The following MAP4K5 variants were observed in gnomAD, a reference collection of about 807,000 sequenced individuals.
MAP4K5 encodes the protein MAPK/ERK kinase kinase kinase 5.
In MAP4K5, 82 loss-of-function variants were observed where a neutral mutation model predicts 135.6. That is an observed-to-expected ratio of 0.60 (90% CI 0.51 to 0.73). The LOEUF is 0.73. MAP4K5 is among the 30% of genes least tolerant of loss of function. The pLI, the probability that MAP4K5 is intolerant of heterozygous loss-of-function variation, is 0.00. For missense variants in MAP4K5, 907 were observed against 1,010.9 expected (o/e 0.90, Z 1.39); for synonymous variants, 347 against 335.0 (o/e 1.04, Z -0.39).
In MAP4K5 at chr14:50,421,079, A is replaced by G. The variant is rs558854960; in HGVS notation, c.2454-973T>C. On this transcript the variant is annotated intron_variant, in intron 32 of 32. Coordinates refer to ENST00000682126, the MANE Select transcript of MAP4K5 (RefSeq NM_006575.6). ...TTAGCATGTTATTACTTTAATAATG[A>G]AAACATTTTTTAAAAATCATAGATA... Among the ~76,000 whole-genome samples, 5 of 152,260 alleles carry G rather than the reference A, an allele frequency of 3.3e-5. No individual in the cohort carries two copies. The South Asian group carries it at 1.0e-3, about 32-fold the overall frequency.
At chr14:50,457,880 A>C (rs1401156639) in intron 13 of MAP4K5, among the ~76,000 whole-genome samples, 1 of 152,160 alleles carries the variant, frequency 6.6e-6, no homozygotes, top group African/African-American at 2.4e-5. Context: ...TTTCTTGCAA[A>C]AATTCTAAAT....
At chr14:50,560,024 T>A (rs532390689) in intron 1 of MAP4K5, 1 of 580,022 alleles carries the variant, frequency 1.7e-6, no homozygotes, top group Non-Finnish European at 3.1e-6. Flanking sequence ...TGGACTGAGG[T>A]AGGGAGGGTG....
intron 9 of MAP4K5, among the ~76,000 whole-genome samples, chr14:50,473,948 TCTCCTGACCTCTTGATCCGCCCGC>T (rs1375484850): frequency 6.6e-6 from 1 of 152,020 alleles, no homozygotes; most frequent in Non-Finnish European, 1.5e-5. Context: ...ATGGTCTCGA[TCTCCTGACCTCTTGATCCGCCCGC>T]CTCAGCCTCT....
chr14:50,471,471 A>T (rs1418835064), intron 9 of MAP4K5, among the ~76,000 whole-genome samples: 1 of 152,188 alleles, frequency 6.6e-6, no homozygotes. Flanking sequence ...TCAAAGACAT[A>T]AAGTAATTCA....
At chr14:50,504,446 A>G (rs2037767801) in intron 3 of MAP4K5, among the ~76,000 whole-genome samples, 1 of 152,156 alleles carries the variant, frequency 6.6e-6, no homozygotes, top group Non-Finnish European at 1.5e-5. Context: ...GGAATAGCTG[A>G]CAAACAAATG....
At chr14:50,481,611 C>A (rs907720365) in intron 6 of MAP4K5, among the ~76,000 whole-genome samples, 1 of 151,838 alleles carries the variant, frequency 6.6e-6, no homozygotes, top group Non-Finnish European at 1.5e-5. Flanking sequence ...AATTTAAATG[C>A]CTTAAATTAT....
In MAP4K5 at chr14:50,476,354, AT is replaced by A. The variant is rs778549312; in HGVS notation, c.379-49del. ...AAAGAATGTATCAGCAAAACTGTAA[AT>A]GTGACTCCTAAATTTTCTACTTAAA... On this transcript the variant is annotated intron_variant, in intron 6 of 32. Coordinates refer to ENST00000682126, the MANE Select transcript of MAP4K5 (RefSeq NM_006575.6). 7.4e-5 allele frequency: 68 copies of A among 922,362 alleles called. No individual in the cohort carries two copies. In the East Asian group the frequency reaches 1.4e-3, roughly 19 times the overall value. 57.1% of individuals were successfully genotyped at this position (922,362 alleles called of 1,614,324 possible). A position where few individuals can be genotyped will look rare whatever the true frequency, so the allele number is the denominator to read the frequency against.
chr14:50,440,918 T>C (rs2036211632), intron 21 of MAP4K5, among the ~76,000 whole-genome samples: 1 of 152,084 alleles, frequency 6.6e-6, no homozygotes, highest in African/African-American at 2.4e-5. Flanking sequence ...GCAATAAAAG[T>C]AGATGCTGAG....
intron 11 of MAP4K5, among the ~76,000 whole-genome samples, chr14:50,465,992 C>T (rs1033855567): frequency 5.3e-5 from 8 of 152,168 alleles, no homozygotes; most frequent in Admixed American, 1.3e-4. Flanking sequence ...GAGAATCACT[C>T]GAACCCAGGA....
intron 5 of MAP4K5, among the ~76,000 whole-genome samples, chr14:50,483,485 T>C (rs2037297050): frequency 6.6e-6 from 1 of 152,022 alleles, no homozygotes; most frequent in South Asian, 2.1e-4. Flanking sequence ...GGAACATAAA[T>C]TTTTGATTCT....
upstream of MAP4K5, among the ~76,000 whole-genome samples, chr14:50,534,945 T>A (rs1179250639): frequency 6.6e-6 from 1 of 152,222 alleles, no homozygotes; most frequent in East Asian, 1.9e-4. Flanking sequence ...AAGGTTGAAG[T>A]TTATGTAATA....
rs201295648 is a variant in MAP4K5, at chr14:50,499,761, G to GA, written c.166+5038dup. ...TTAAAACAAAGTTTCTTGAAATAAA[G>GA]AAAAAATCAAAACTGCAGATGAAAA... is the stretch of plus-strand genomic sequence containing the variant. On this transcript the variant is annotated intron_variant, in intron 3 of 32. Transcript: ENST00000682126. Among the ~76,000 whole-genome samples, 423 of 151,816 alleles carry GA rather than the reference G, an allele frequency of 2.8e-3. 2 individuals carry two copies. Among genetic ancestry groups the GA allele is most frequent in the African/African-American group, 9.3e-3 (385 of 41,432 alleles).
At chr14:50,549,824 C>T (rs2038679595) in intron 1 of MAP4K5, among the ~76,000 whole-genome samples, 1 of 152,162 alleles carries the variant, frequency 6.6e-6, no homozygotes, top group African/African-American at 2.4e-5. Context: ...GGCTAAGTTC[C>T]CTGGACTAAG....
At chr14:50,512,791 A>G (rs183164977) in intron 2 of MAP4K5, among the ~76,000 whole-genome samples, 1 of 152,320 alleles carries the variant, frequency 6.6e-6, no homozygotes, top group Admixed American at 6.5e-5. Flanking sequence ...ATAATCCAAA[A>G]GAGTTTTGGA....
intron 14 of MAP4K5, among the ~76,000 whole-genome samples, chr14:50,451,100 G>A (rs2036474384): frequency 6.6e-6 from 1 of 152,166 alleles, no homozygotes. Context: ...ATATATGGAT[G>A]TGTGTGTATA....
At chr14:50,442,865 T>C (rs772298993) in intron 20 of MAP4K5, 49 bp from the exon 21 acceptor site, 3 of 1,090,910 alleles carry the variant, frequency 2.7e-6, no homozygotes, top group Admixed American at 2.2e-5. Flanking sequence ...GAAAATTTTA[T>C]ATATTCTTGG....
chr14:50,524,108 A>C (rs1253387164), intron 2 of MAP4K5, among the ~76,000 whole-genome samples: 1 of 152,218 alleles, frequency 6.6e-6, no homozygotes, highest in African/African-American at 2.4e-5. Context: ...TCTCTGTAGA[A>C]TTCCATCTCT....
chr14:50,427,273 T>G lies in MAP4K5; in HGVS notation c.2327-1296A>C, dbSNP rs1324117239. Among the ~76,000 whole-genome samples the G allele has an allele frequency of 2.0e-5, 3 of 152,354 alleles. No homozygotes were observed. In the East Asian group the frequency reaches 5.8e-4, roughly 29 times the overall value. On this transcript the variant is annotated intron_variant, in intron 30 of 32. Coordinates refer to ENST00000682126, the MANE Select transcript of MAP4K5 (RefSeq NM_006575.6). ...AGTGAAGAGGAATTAAGGATTCCTATGTCAGAATCTCTCTCAAAAATGTTA... is the reference window on the plus strand; with the variant it reads ...AGTGAAGAGGAATTAAGGATTCCTAGGTCAGAATCTCTCTCAAAAATGTTA...
intron 1 of MAP4K5, among the ~76,000 whole-genome samples, chr14:50,543,261 G>A (rs1373056924): frequency 6.6e-6 from 1 of 152,222 alleles, no homozygotes; most frequent in Non-Finnish European, 1.5e-5. Context: ...TCTGCTTATA[G>A]CAGAGGCCAT....
Sources: gnomAD v4.1 joint callset for allele counts (sites outside exome capture counted in the v4.1 genomes callset) on GRCh38, gnomAD v4.1.1 for gene constraint, MANE v1.5 for transcripts, NCBI Gene and HGNC (gene_info 2026-07-23, HGNC 2026-07-21) for gene names.